Variants in ST6GALNAC3 observed in about 807,000 individuals in gnomAD.
ST6GALNAC3 encodes ST6 N-acetylgalactosaminide alpha-2,6-sialyltransferase 3, also known as alpha-N-acetylgalactosaminide alpha-2,6-sialyltransferase 3.
ST6GALNAC3 carries 25 observed loss-of-function variants against 32.7 expected under a neutral mutation model. The observed-to-expected ratio is 0.76, with a 90% CI of 0.56 to 1.07. ST6GALNAC3 has a LOEUF of 1.07. ST6GALNAC3 is among the 50% of genes least tolerant of loss of function. The pLI is 0.00. For missense variants in ST6GALNAC3, 355 were observed against 382.4 expected (o/e 0.93, Z 0.60); for synonymous variants, 129 against 133.1 (o/e 0.97, Z 0.21).
chr1:76,463,962 C>G (rs967323282), intron 3 of ST6GALNAC3, among the ~76,000 whole-genome samples: 1 of 152,126 alleles, frequency 6.6e-6, no homozygotes, highest in Non-Finnish European at 1.5e-5. Context: ...TGTCTCTCTA[C>G]TAAAAGTCAC....
intron 2 of ST6GALNAC3, among the ~76,000 whole-genome samples, chr1:76,372,000 C>T (rs1448068769): frequency 2.0e-5 from 3 of 152,148 alleles, no homozygotes; most frequent in African/African-American, 7.2e-5. Context: ...TGGATTTCTA[C>T]CTTTGCAAAC....
chr1:76,544,666 C>T (rs947620200), intron 3 of ST6GALNAC3, among the ~76,000 whole-genome samples: 2 of 152,066 alleles, frequency 1.3e-5, no homozygotes, highest in Admixed American at 6.5e-5. Context: ...CCTTTTGGGG[C>T]TTGTTAAATT....
intron 3 of ST6GALNAC3, among the ~76,000 whole-genome samples, chr1:76,601,222 A>C (rs1226256314): frequency 6.6e-6 from 1 of 152,058 alleles, no homozygotes; most frequent in Non-Finnish European, 1.5e-5. Flanking sequence ...GGAAGGAAGG[A>C]AGAAAGGAAG....
intron 3 of ST6GALNAC3, among the ~76,000 whole-genome samples, chr1:76,485,043 A>T (rs139769221): frequency 6.6e-6 from 1 of 152,222 alleles, no homozygotes; most frequent in East Asian, 1.9e-4. Context: ...TGCATACGTC[A>T]AACCAGCCTT....
intron 1 of ST6GALNAC3, among the ~76,000 whole-genome samples, chr1:76,116,904 G>C (rs1339680821): frequency 6.6e-6 from 1 of 152,146 alleles, no homozygotes; most frequent in Middle Eastern, 3.2e-3. Context: ...ACTCCAGCCT[G>C]GGTGGCAAAG....
chr1:76,401,105 A>C (rs1231232513), intron 2 of ST6GALNAC3, among the ~76,000 whole-genome samples: 2 of 152,026 alleles, frequency 1.3e-5, no homozygotes, highest in Admixed American at 6.6e-5. Flanking sequence ...AATTCTGAAA[A>C]ATTTTCACTG....
At chr1:76,477,556 G>A (rs1659435518) in intron 3 of ST6GALNAC3, among the ~76,000 whole-genome samples, 1 of 152,102 alleles carries the variant, frequency 6.6e-6, no homozygotes, top group South Asian at 2.1e-4. Context: ...CAGTCATGAG[G>A]GATGGCTGGC....
At chr1:76,440,462 C>T (rs986733413) in intron 3 of ST6GALNAC3, among the ~76,000 whole-genome samples, 1 of 152,146 alleles carries the variant, frequency 6.6e-6, no homozygotes, top group African/African-American at 2.4e-5. Flanking sequence ...CTGTCCATGT[C>T]GATGACAACA....
At chr1:76,120,630 A>G (rs538598388) in intron 1 of ST6GALNAC3, among the ~76,000 whole-genome samples, 1 of 152,364 alleles carries the variant, frequency 6.6e-6, no homozygotes, top group Admixed American at 6.5e-5. Flanking sequence ...TCTGAGCTCC[A>G]GGGTCAGTTA....
At chr1:76,376,347 C>T (rs1651228394) in intron 2 of ST6GALNAC3, among the ~76,000 whole-genome samples, 1 of 152,060 alleles carries the variant, frequency 6.6e-6, no homozygotes, top group Admixed American at 6.6e-5. Flanking sequence ...ATGTTTAATG[C>T]TATATAATTT....
chr1:76,410,149 C>T (rs1313352309), intron 2 of ST6GALNAC3, among the ~76,000 whole-genome samples: 1 of 152,102 alleles, frequency 6.6e-6, no homozygotes, highest in Non-Finnish European at 1.5e-5. Flanking sequence ...CCTTCAATGG[C>T]GCTTCATCTC....
intron 3 of ST6GALNAC3, among the ~76,000 whole-genome samples, chr1:76,467,616 T>C (rs567911654): frequency 4.5e-4 from 69 of 152,114 alleles, no homozygotes; most frequent in African/African-American, 1.5e-3. Context: ...AAAAATTATG[T>C]ATACAATATT....
chr1:76,298,955 T>C (rs946374778), intron 1 of ST6GALNAC3, among the ~76,000 whole-genome samples: 7 of 152,044 alleles, frequency 4.6e-5, no homozygotes, highest in African/African-American at 1.7e-4. Context: ...AAAGCTGCCC[T>C]GCGTTGGTGA....
chr1:76,565,931 C>G (rs542127439), intron 3 of ST6GALNAC3, among the ~76,000 whole-genome samples: 1 of 152,254 alleles, frequency 6.6e-6, no homozygotes, highest in South Asian at 2.1e-4. Flanking sequence ...AGCCTTTGTT[C>G]AGATTTTTTA....
At chr1:76,624,656 C>T (rs925866835) in intron 3 of ST6GALNAC3, among the ~76,000 whole-genome samples, 12 of 151,696 alleles carry the variant, frequency 7.9e-5, no homozygotes, top group African/African-American at 2.9e-4. Context: ...TTTTTTCTCA[C>T]TCAAATTCAC....
chr1:76,376,251 A>G (rs1468219398), intron 2 of ST6GALNAC3, among the ~76,000 whole-genome samples: 3 of 152,200 alleles, frequency 2.0e-5, no homozygotes, highest in African/African-American at 7.2e-5. Context: ...TAATGTCACA[A>G]TTAGAAAGTT....
At chr1:76,204,940 A>T (rs114715981) in intron 1 of ST6GALNAC3, among the ~76,000 whole-genome samples, 1,775 of 152,296 alleles carry the variant, frequency 0.012, 18 homozygotes, top group Admixed American at 0.02. Flanking sequence ...TGATATATGC[A>T]AATGTGCTTA....
Position 76,119,312 on chromosome 1 carries a change from A to G in ST6GALNAC3, c.18+44428A>G, listed in dbSNP as rs369345867. On this transcript the variant is annotated intron_variant, in intron 1 of 4. Coordinates refer to ENST00000328299, the MANE Select transcript of ST6GALNAC3 (RefSeq NM_152996.4). ...TCAGTGAAATTTCACACTAGAACATATTCTTTGGAATTCCTCGTGAATAAT... is the reference window on the plus strand; with the variant it reads ...TCAGTGAAATTTCACACTAGAACATGTTCTTTGGAATTCCTCGTGAATAAT... Among the ~76,000 whole-genome samples, 6 of 152,226 alleles carry G rather than the reference A, an allele frequency of 3.9e-5. No homozygotes were observed. The East Asian group carries it at 1.2e-3, about 29-fold the overall frequency.
intron 3 of ST6GALNAC3, among the ~76,000 whole-genome samples, chr1:76,422,287 A>G (rs1017252358): frequency 2.6e-5 from 4 of 152,078 alleles, no homozygotes; most frequent in African/African-American, 9.7e-5. Flanking sequence ...AATCGCTTAA[A>G]GAAAAAAATG....
Sources: gnomAD v4.1 joint callset for allele counts (sites outside exome capture counted in the v4.1 genomes callset) on GRCh38, gnomAD v4.1.1 for gene constraint, MANE v1.5 for transcripts, NCBI Gene and HGNC (gene_info 2026-07-23, HGNC 2026-07-21) for gene names.